Variants in ASAP1 observed in about 807,000 individuals in gnomAD.
The protein encoded by ASAP1 is ArfGAP with SH3 domain, ankyrin repeat and PH domain 1.
In ASAP1, 43 loss-of-function variants were observed where a neutral mutation model predicts 145.2. The observed-to-expected ratio is 0.30, with a 90% CI of 0.23 to 0.38. The LOEUF is 0.38. Ranked by LOEUF, ASAP1 falls within the 10% of genes least tolerant of loss-of-function variation. The probability of loss-of-function intolerance (pLI) is 1.00; values close to 1 mark genes in which losing one functional copy is unlikely to be tolerated. For missense variants in ASAP1, 1,018 were observed against 1,355.3 expected (o/e 0.75, Z 3.91); for synonymous variants, 546 against 515.5 (o/e 1.06, Z -0.80).
intron 3 of ASAP1, among the ~76,000 whole-genome samples, chr8:130,272,577 T>C (rs1352661885): frequency 6.6e-6 from 1 of 152,184 alleles, no homozygotes; most frequent in South Asian, 2.1e-4. Flanking sequence ...CTATTCCCAA[T>C]AGCAAAGATA....
chr8:130,115,606 C>CCT (rs1222356822), intron 23 of ASAP1, 22 bp downstream of exon 23: 1 of 1,570,756 alleles, frequency 6.4e-7, no homozygotes, highest in African/African-American at 1.4e-5. Context: ...GTTGAGAATT[C>CCT]GAGGACATAA....
chr8:130,328,873 T>G (rs966162844), intron 3 of ASAP1, among the ~76,000 whole-genome samples: 6 of 152,160 alleles, frequency 3.9e-5, no homozygotes, highest in African/African-American at 1.4e-4. Context: ...CAAGCAAGCC[T>G]CCTACCTCAG....
chr8:130,386,983 GC>G (rs1487802944), intron 2 of ASAP1: 1 of 152,218 alleles, frequency 6.6e-6, no homozygotes, highest in African/African-American at 2.4e-5. Context: ...CCTTTCAGGA[GC>G]TTGTGGCACT....
chr8:130,249,008 C>G (rs1411452685), intron 3 of ASAP1, among the ~76,000 whole-genome samples: 1 of 152,170 alleles, frequency 6.6e-6, no homozygotes, highest in African/African-American at 2.4e-5. Flanking sequence ...AAGGGATCCT[C>G]CTGCCTCAGC....
chr8:130,333,524 A>T (rs1160023865), intron 3 of ASAP1, among the ~76,000 whole-genome samples: 1 of 152,232 alleles, frequency 6.6e-6, no homozygotes, highest in Non-Finnish European at 1.5e-5. Flanking sequence ...GAGTAGCTTG[A>T]ACCTAGGAGG....
rs774177834 is a variant in ASAP1, at chr8:130,061,048, T to C, written c.2723A>G (p.His908Arg). ...GATGGTGGCTTTGTCTAGGGAGAGA[T>C]GATCTGTTTTCCTTAGTGCCACTGT... ...PQKVALRKTD[H>R]LSLDKATIPP... Residue 908 changes from histidine to arginine, a missense_variant, in exon 28 of 30, where the codon CAT becomes CGT. Transcript: ENST00000518721. The C allele has an allele frequency of 2.0e-6, 3 of 1,527,530 alleles. No homozygotes were observed. The highest frequency in any genetic ancestry group is 4.4e-5 in the Admixed American group (2 of 45,328). The allele number at this position is 1,527,530 out of a possible 1,614,324, so 94.6% of individuals were successfully genotyped here.
chr8:130,403,411 C>T (rs1404363370), intron 1 of ASAP1, among the ~76,000 whole-genome samples: 1 of 152,166 alleles, frequency 6.6e-6, no homozygotes, highest in Admixed American at 6.5e-5. Flanking sequence ...CCACCACTAG[C>T]TTAACATCCC....
chr8:130,441,256 T>C (rs1830479248), intron 1 of ASAP1, among the ~76,000 whole-genome samples: 1 of 152,194 alleles, frequency 6.6e-6, no homozygotes. Context: ...CAGATAAATC[T>C]GAGATGTGCT....
Position 130,264,938 on chromosome 8 carries a change from A to G in ASAP1, c.187-27944T>C, listed in dbSNP as rs78221526. On this transcript the variant is annotated intron_variant, in intron 3 of 29. Coordinates refer to ENST00000518721, the MANE Select transcript of ASAP1 (RefSeq NM_018482.4). ...CCAAGAATCAAAGGAAAAGAAAAAC[A>G]TCTTAAGAAAGAGGGAGGAACACAG... Among the ~76,000 whole-genome samples the G allele has an allele frequency of 1.2e-3, 187 of 152,332 alleles. 1 individual carries two copies. Among genetic ancestry groups the G allele is most frequent in the African/African-American group, 4.4e-3 (184 of 41,574 alleles).
In ASAP1 at chr8:130,074,765, C is replaced by T. The variant is rs565458132; in HGVS notation, c.2701+1583G>A. ...AAGGTGCTCCTAAGGAGAGGAGAGA[C>T]AGTGTAGGGGAGTGGGCTGAAAGGT... is the stretch of plus-strand genomic sequence containing the variant. On this transcript the variant is annotated intron_variant, in intron 27 of 29. Transcript: ENST00000518721. Among the ~76,000 whole-genome samples the T allele has an allele frequency of 7.6e-4, 115 of 152,268 alleles. 1 individual carries two copies. The highest frequency in any genetic ancestry group is 2.4e-3 in the African/African-American group (98 of 41,544).
At chr8:130,276,722 A>ACTCT (rs1820912328) in intron 3 of ASAP1, among the ~76,000 whole-genome samples, 1 of 110,732 alleles carries the variant, frequency 9.0e-6, no homozygotes, top group African/African-American at 3.2e-5. Context: ...ACACACACAC[A>ACTCT]CACACACTCT....
At chr8:130,241,516 C>T (rs1818526373) in intron 3 of ASAP1, among the ~76,000 whole-genome samples, 1 of 152,082 alleles carries the variant, frequency 6.6e-6, no homozygotes, top group South Asian at 2.1e-4. Context: ...TGACTGAATA[C>T]ATAAACTCAT....
At chr8:130,261,797 T>A (rs1819915677) in intron 3 of ASAP1, among the ~76,000 whole-genome samples, 1 of 152,098 alleles carries the variant, frequency 6.6e-6, no homozygotes, top group South Asian at 2.1e-4. Flanking sequence ...GGAGAGATTC[T>A]GAAGGAGTTA....
chr8:130,090,044 C>T (rs1033723264), intron 25 of ASAP1, among the ~76,000 whole-genome samples: 7 of 152,072 alleles, frequency 4.6e-5, no homozygotes, highest in Non-Finnish European at 7.3e-5. Flanking sequence ...GCTCCCAGCT[C>T]ACTGTCAGGC....
chr8:130,240,960 G>A (rs1586663498), intron 3 of ASAP1, among the ~76,000 whole-genome samples: 1 of 152,126 alleles, frequency 6.6e-6, no homozygotes, highest in Non-Finnish European at 1.5e-5. Flanking sequence ...AAAGGATGTA[G>A]AAAAATTATA....
intron 9 of ASAP1, among the ~76,000 whole-genome samples, chr8:130,171,952 T>G (rs1813622847): frequency 6.6e-6 from 1 of 152,216 alleles, no homozygotes; most frequent in African/African-American, 2.4e-5. Flanking sequence ...GAGAAAAGTT[T>G]TGAAGGTAGA....
chr8:130,289,472 A>G (rs1821821943), intron 3 of ASAP1, among the ~76,000 whole-genome samples: 1 of 152,228 alleles, frequency 6.6e-6, no homozygotes. Context: ...AATATCATAT[A>G]TTCAAATTTT....
chr8:130,426,759 C>A (rs1353930642), intron 1 of ASAP1, among the ~76,000 whole-genome samples: 3 of 152,206 alleles, frequency 2.0e-5, no homozygotes, highest in Non-Finnish European at 4.4e-5. Flanking sequence ...CAGGGAAAGC[C>A]TCCTTGAACA....
At chr8:130,106,986 G>C (rs192235600) in intron 24 of ASAP1, among the ~76,000 whole-genome samples, 3 of 152,110 alleles carry the variant, frequency 2.0e-5, no homozygotes, top group Admixed American at 2.0e-4. Context: ...GAACAAACTT[G>C]TATTTACTGA....
Sources: gnomAD v4.1 joint callset for allele counts (sites outside exome capture counted in the v4.1 genomes callset) on GRCh38, gnomAD v4.1.1 for gene constraint, MANE v1.5 for transcripts, NCBI Gene and HGNC (gene_info 2026-07-23, HGNC 2026-07-21) for gene names.